CADPS2: variants seen among roughly 807,000 people sequenced by gnomAD.
CADPS2 encodes calcium dependent secretion activator 2, also known as calcium-dependent secretion activator 2.
In CADPS2, 93 loss-of-function variants were observed where a neutral mutation model predicts 172.5. The observed-to-expected ratio is 0.54, with a 90% CI of 0.46 to 0.64. The LOEUF is 0.64. Ranked by LOEUF, CADPS2 falls within the 30% of genes least tolerant of loss-of-function variation. The pLI is 0.00. For missense variants in CADPS2, 1,420 were observed against 1,565.9 expected (o/e 0.91, Z 1.57); for synonymous variants, 546 against 555.2 (o/e 0.98, Z 0.23).
intron 6 of CADPS2, among the ~76,000 whole-genome samples, chr7:122,601,602 A>G (rs1587738160): frequency 1.3e-5 from 2 of 152,040 alleles, no homozygotes; most frequent in Admixed American, 6.6e-5. Flanking sequence ...TTAAAAAAAC[A>G]TTTCTTTAAA....
intron 6 of CADPS2, among the ~76,000 whole-genome samples, chr7:122,592,108 C>T (rs1352295512): frequency 6.6e-6 from 1 of 152,038 alleles, no homozygotes; most frequent in East Asian, 1.9e-4. Flanking sequence ...GGCTAATATC[C>T]AGAATCTACA....
chr7:122,582,046 T>G (rs937922923), intron 6 of CADPS2, among the ~76,000 whole-genome samples: 26 of 152,012 alleles, frequency 1.7e-4, no homozygotes, highest in Non-Finnish European at 3.2e-4. Flanking sequence ...TTATCAATAT[T>G]TCTCACAACT....
intron 2 of CADPS2, chr7:122,697,950 A>C (rs2085378873): frequency 6.2e-7 from 1 of 1,613,704 alleles, no homozygotes; most frequent in Non-Finnish European, 8.5e-7. Context: ...CAGGCAGTTC[A>C]TTTGACATTA....
chr7:122,534,827 G>A (rs562455654), intron 8 of CADPS2, among the ~76,000 whole-genome samples: 19 of 151,934 alleles, frequency 1.3e-4, no homozygotes, highest in Non-Finnish European at 2.6e-4. Context: ...AATATCCAAG[G>A]TTCCTTAGCC....
intron 17 of CADPS2, among the ~76,000 whole-genome samples, chr7:122,423,039 C>T (rs1276914910): frequency 3.3e-5 from 5 of 152,176 alleles, no homozygotes; most frequent in Non-Finnish European, 5.9e-5. Context: ...GGAATTTCTA[C>T]TGGATCCCCA....
At chr7:122,717,977 A>ATTTTTTT (rs36154725) in intron 2 of CADPS2, among the ~76,000 whole-genome samples, 1 of 87,172 alleles carries the variant, frequency 1.1e-5, no homozygotes. Flanking sequence ...CACTCGGCTA[A>ATTTTTTT]TTTTTTTTTT....
chr7:122,862,321 C>G (rs1419467130), intron 1 of CADPS2, among the ~76,000 whole-genome samples: 1 of 152,202 alleles, frequency 6.6e-6, no homozygotes, highest in Non-Finnish European at 1.5e-5. Context: ...GGAACCCTAA[C>G]AGCTTACATT....
chr7:122,423,086 A>G (rs1383063940), intron 17 of CADPS2, among the ~76,000 whole-genome samples: 2 of 152,160 alleles, frequency 1.3e-5, no homozygotes, highest in Admixed American at 1.3e-4. Context: ...TGATATCAAC[A>G]TCCTCCCTCT....
intron 1 of CADPS2, among the ~76,000 whole-genome samples, chr7:122,842,093 C>T (rs1406690202): frequency 6.6e-6 from 1 of 152,198 alleles, no homozygotes; most frequent in Non-Finnish European, 1.5e-5. Flanking sequence ...CAGGAATAGT[C>T]ACACATGTGG....
chr7:122,687,434 G>T (rs555528427), intron 2 of CADPS2, among the ~76,000 whole-genome samples: 78 of 152,270 alleles, frequency 5.1e-4, no homozygotes, highest in Admixed American at 4.1e-3. Context: ...CAGGGTAGTG[G>T]TTAAGACCAT....
At chr7:122,570,999 A>G (rs572192833) in intron 7 of CADPS2, among the ~76,000 whole-genome samples, 3 of 152,224 alleles carry the variant, frequency 2.0e-5, no homozygotes, top group South Asian at 4.1e-4. Context: ...TAACCTGCAC[A>G]TTGTGCATAT....
intron 11 of CADPS2, among the ~76,000 whole-genome samples, chr7:122,483,673 T>C (rs2057524136): frequency 6.6e-6 from 1 of 152,126 alleles, no homozygotes; most frequent in Admixed American, 6.6e-5. Context: ...ATTTACCACA[T>C]ATATAGAAGT....
intron 17 of CADPS2, among the ~76,000 whole-genome samples, chr7:122,424,618 T>C (rs2048917247): frequency 1.3e-5 from 2 of 152,266 alleles, no homozygotes. Context: ...GAGAATAGAT[T>C]ACTAGAACCC....
At chr7:122,431,924 CG>C (rs1424042206) in intron 17 of CADPS2, among the ~76,000 whole-genome samples, 3 of 3,552 alleles carry the variant, frequency 8.4e-4, no homozygotes, top group Non-Finnish European at 1.4e-3. Context: ...TCATCGGGGG[CG>C]GGGGTGGGGG....
At chr7:122,449,495 T>TC (rs989328836) in intron 15 of CADPS2, among the ~76,000 whole-genome samples, 4 of 152,078 alleles carry the variant, frequency 2.6e-5, no homozygotes, top group African/African-American at 7.2e-5. Flanking sequence ...TTTTAGTTTT[T>TC]CTTTTTTGTA....
chr7:122,802,104 T>G (rs943276527), intron 1 of CADPS2, among the ~76,000 whole-genome samples: 2 of 152,162 alleles, frequency 1.3e-5, no homozygotes, highest in African/African-American at 2.4e-5. Flanking sequence ...AATCTATTTA[T>G]AAAAGCAAAT....
intron 7 of CADPS2, among the ~76,000 whole-genome samples, chr7:122,558,362 T>C (rs1226450913): frequency 6.6e-6 from 1 of 152,176 alleles, no homozygotes; most frequent in African/African-American, 2.4e-5. Context: ...AAACTATAGC[T>C]CTGTACAAAT....
chr7:122,390,394 C>T (rs942941508), intron 22 of CADPS2, among the ~76,000 whole-genome samples: 2 of 152,056 alleles, frequency 1.3e-5, no homozygotes, highest in East Asian at 3.9e-4. Flanking sequence ...ATTAGAGGAA[C>T]TGAGTTTTAA....
At chr7:122,345,891 A>G (rs546184701) in intron 27 of CADPS2, among the ~76,000 whole-genome samples, 1 of 151,412 alleles carries the variant, frequency 6.6e-6, no homozygotes, top group African/African-American at 2.4e-5. Flanking sequence ...TCAAATTGAA[A>G]ATACAGAGTT....
Sources: gnomAD v4.1 joint callset for allele counts (sites outside exome capture counted in the v4.1 genomes callset) on GRCh38, gnomAD v4.1.1 for gene constraint, MANE v1.5 for transcripts, NCBI Gene and HGNC (gene_info 2026-07-23, HGNC 2026-07-21) for gene names.